The following ATP11C variants were observed in gnomAD, a reference collection of about 807,000 sequenced individuals.
ATP11C encodes ATPase phospholipid transporting 11C (ATP11C blood group).
A neutral mutation model predicts 97.4 loss-of-function variants in ATP11C; 36 were observed. The observed-to-expected ratio is 0.37, with a 90% CI of 0.28 to 0.49. The LOEUF (loss-of-function observed/expected upper bound fraction) is 0.49. Ranked by LOEUF, ATP11C falls within the 20% of genes least tolerant of loss-of-function variation. The pLI is 0.98. For missense variants in ATP11C, 730 were observed against 824.6 expected, an observed-to-expected ratio of 0.89 and a Z score of 1.40; for synonymous variants, 275 against 290.9, an observed-to-expected ratio of 0.95 and a Z score of 0.56.
At position 139,870,448 on chromosome X, in the gene ATP11C, T is replaced by C. The variant is rs529370084; in HGVS notation, c.28-43625A>G. The stretch of plus-strand genomic sequence containing the variant: ...AGGAACTATCAAACAGCAAAATGTA[T>C]AAACTTTCAATATCATTACTCCAAT... On this transcript the variant is annotated intron_variant, in intron 1 of 29. Transcript: ENST00000682941. 3.5e-3 allele frequency among the ~76,000 whole-genome samples: 389 copies of C among 112,641 alleles called. 3 individuals are homozygous for C. The highest frequency in any genetic ancestry group is 0.012 in the African/African-American group (367 of 31,098).
chrX:139,734,485 A>C (rs1436249147), intron 28 of ATP11C, among the ~76,000 whole-genome samples: 6 of 111,604 alleles, frequency 5.4e-5, no homozygotes, highest in Non-Finnish European at 1.1e-4. Flanking sequence ...AGAAAACTTC[A>C]CACAGGATAT....
chrX:139,882,350 T>C (rs1283050115), intron 1 of ATP11C, among the ~76,000 whole-genome samples: 2 of 111,367 alleles, frequency 1.8e-5, no homozygotes, highest in Admixed American at 1.9e-4. Flanking sequence ...AAAAGGAATT[T>C]ATGGTAGCCA....
chrX:139,798,640 A>G, intron 9 of ATP11C, 39 bp downstream of exon 9: 1 of 1,047,218 alleles, frequency 9.5e-7, no homozygotes, highest in East Asian at 3.0e-5. Context: ...GCCTTTACAA[A>G]GCATATTTTT....
intron 12 of ATP11C, among the ~76,000 whole-genome samples, chrX:139,790,334 G>A (rs1031551339): frequency 1.8e-4 from 20 of 111,486 alleles, no homozygotes; most frequent in Non-Finnish European, 2.8e-4. Flanking sequence ...CTCCCAAAGT[G>A]TTGGGATTAT....
At chrX:139,890,018 G>C (rs2084703381) in intron 1 of ATP11C, among the ~76,000 whole-genome samples, 1 of 111,915 alleles carries the variant, frequency 8.9e-6, no homozygotes. Context: ...AGAAGAGAAG[G>C]GGTGAAGTAT....
rs533392061 is a variant in ATP11C, at chrX:139,869,262, T to C, written c.28-42439A>G. Among the ~76,000 whole-genome samples the C allele has an allele frequency of 3.4e-3, 379 of 112,004 alleles. 3 individuals are homozygous for C. Among genetic ancestry groups the C allele is most frequent in the African/African-American group, 0.012 (357 of 30,894 alleles). ...GAATGGATAAAGAAAACGTGGTATA[T>C]TCGTATCTGATTGAATTGGAACCTG... On this transcript the variant is annotated intron_variant, in intron 1 of 29. Coordinates refer to ENST00000682941, the MANE Select transcript of ATP11C (RefSeq NM_001353812.2).
At chrX:139,782,453 A>C (rs1386048537) in intron 18 of ATP11C, 94 bp downstream of exon 18, 4 of 583,303 alleles carry the variant, frequency 6.9e-6, no homozygotes, top group Non-Finnish European at 1.0e-5. Context: ...ATAAAACTAA[A>C]GATTTCAAAC....
intron 1 of ATP11C, among the ~76,000 whole-genome samples, chrX:139,841,248 G>T (rs937622403): frequency 3.6e-5 from 4 of 112,359 alleles, no homozygotes; most frequent in Non-Finnish European, 7.5e-5. Flanking sequence ...GGCACTATTT[G>T]TTGGGTCATA....
At chrX:139,782,243 C>T (rs536377206) in intron 18 of ATP11C, among the ~76,000 whole-genome samples, 27 of 108,196 alleles carry the variant, frequency 2.5e-4, no homozygotes, top group South Asian at 1.6e-3. Context: ...AGGAGAACGG[C>T]GTGAACCTGG....
chrX:139,910,687 G>C (rs941714539), intron 1 of ATP11C, among the ~76,000 whole-genome samples: 2 of 110,784 alleles, frequency 1.8e-5, no homozygotes, highest in African/African-American at 6.6e-5. Context: ...CTAACTTGAA[G>C]ATAAATCTTT....
intron 1 of ATP11C, among the ~76,000 whole-genome samples, chrX:139,878,767 G>A (rs2084517372): frequency 9.1e-6 from 1 of 110,295 alleles, no homozygotes; most frequent in African/African-American, 3.3e-5. Context: ...ATGGAAGAGC[G>A]GCAGCTTCAG....
chrX:139,741,224 G>T (rs1292412047), intron 26 of ATP11C, 130 bp from the exon 27 acceptor site: 2 of 463,624 alleles, frequency 4.3e-6, no homozygotes, highest in Admixed American at 7.6e-5. Context: ...ATCCAGAGAA[G>T]AGGGGAACTA....
chrX:139,744,698 C>T lies in ATP11C; in HGVS notation c.2964+1024G>A, dbSNP rs749647556. 2.1e-3 allele frequency among the ~76,000 whole-genome samples: 240 copies of T among 111,988 alleles called. 1 individual carries two copies. Among genetic ancestry groups the T allele is most frequent in the Middle Eastern group, 4.6e-3 (1 of 216 alleles). On this transcript the variant is annotated intron_variant, in intron 25 of 29. Coordinates refer to ENST00000682941, the MANE Select transcript of ATP11C (RefSeq NM_001353812.2). Reference sequence around the variant, plus strand: ...TGATGGGCAAAACTGACCTGGGAAACTGATGTGATTTTCCCAAGTACTCAC... The same window carrying T: ...TGATGGGCAAAACTGACCTGGGAAATTGATGTGATTTTCCCAAGTACTCAC...
chrX:139,798,026 T>A (rs1211952310), intron 10 of ATP11C, among the ~76,000 whole-genome samples: 1 of 111,892 alleles, frequency 8.9e-6, no homozygotes, highest in African/African-American at 3.3e-5. Context: ...ACATACCATC[T>A]CCAAGACCAT....
chrX:139,754,443 T>C (rs1353451906), intron 23 of ATP11C, among the ~76,000 whole-genome samples: 2 of 109,588 alleles, frequency 1.8e-5, no homozygotes, highest in African/African-American at 6.6e-5. Context: ...ACTGAAACTA[T>C]TCCAAAAAAA....
chrX:139,839,478 T>C (rs1490008838), intron 1 of ATP11C, among the ~76,000 whole-genome samples: 1 of 111,879 alleles, frequency 8.9e-6, no homozygotes, highest in Non-Finnish European at 1.9e-5. Flanking sequence ...CCAATATTTA[T>C]TGAGCTCCTA....
chrX:139,862,093 G>T (rs1405577590), intron 1 of ATP11C, among the ~76,000 whole-genome samples: 5 of 111,490 alleles, frequency 4.5e-5, no homozygotes, highest in African/African-American at 1.6e-4. Flanking sequence ...CTACATGGTT[G>T]TATTTAGATA....
intron 1 of ATP11C, among the ~76,000 whole-genome samples, chrX:139,913,775 C>A (rs1174971566): frequency 1.8e-5 from 2 of 111,651 alleles, no homozygotes; most frequent in Non-Finnish European, 3.8e-5. Flanking sequence ...CCGCCTGCAC[C>A]CAGGTGAAAT....
At chrX:139,905,485 T>C (rs1384441526) in intron 1 of ATP11C, among the ~76,000 whole-genome samples, 3 of 111,812 alleles carry the variant, frequency 2.7e-5, no homozygotes, top group Non-Finnish European at 5.6e-5. Flanking sequence ...ATAACAATGT[T>C]TCTTATCTCC....
Sources: allele counts gnomAD v4.1 joint callset (sites outside exome capture counted in the v4.1 genomes callset), GRCh38; gene constraint gnomAD v4.1.1; transcripts MANE v1.5; gene names NCBI Gene and HGNC (gene_info 2026-07-23, HGNC 2026-07-21).